Variants in TRPC5 observed in about 807,000 individuals in gnomAD.
The protein encoded by TRPC5 is transient receptor potential cation channel subfamily C member 5, also known as short transient receptor potential channel 5.
TRPC5 carries 9 observed loss-of-function variants against 56.5 expected under a neutral mutation model. The observed-to-expected ratio is 0.16, with a 90% CI of 0.10 to 0.28. The LOEUF is 0.28. Among genes scored for constraint, TRPC5 ranks in the 10% least tolerant of loss-of-function variants. The pLI is 1.00. For missense variants in TRPC5, 469 were observed against 748.9 expected, an observed-to-expected ratio of 0.63 and a Z score of 4.36; for synonymous variants, 282 against 278.5, an observed-to-expected ratio of 1.01 and a Z score of -0.13.
intron 1 of TRPC5, among the ~76,000 whole-genome samples, chrX:112,040,768 T>C (rs1677849816): frequency 8.9e-6 from 1 of 111,967 alleles, no homozygotes; most frequent in African/African-American, 3.2e-5. Flanking sequence ...TTATGATGTC[T>C]ACCCTTAATT....
intron 1 of TRPC5, among the ~76,000 whole-genome samples, chrX:111,967,792 C>G (rs1317074158): frequency 9.0e-6 from 1 of 111,627 alleles, no homozygotes; most frequent in Non-Finnish European, 1.9e-5. Context: ...GAAACTGGAT[C>G]CCTTCCTTAC....
intron 1 of TRPC5, among the ~76,000 whole-genome samples, chrX:111,979,604 ACT>A (rs1181694156): frequency 9.0e-6 from 1 of 111,172 alleles, no homozygotes; most frequent in Non-Finnish European, 1.9e-5. Context: ...ACATATAAAG[ACT>A]CTTAAAACAC....
chrX:111,905,914 C>CAAA (rs1202912083), intron 3 of TRPC5, among the ~76,000 whole-genome samples: 515 of 36,909 alleles, frequency 0.014, 24 homozygotes, highest in African/African-American at 0.057. Flanking sequence ...GTCTCTGTCT[C>CAAA]AAAAAAAAAA....
At chrX:112,051,239 C>T (rs1391526977) in intron 1 of TRPC5, among the ~76,000 whole-genome samples, 1 of 112,268 alleles carries the variant, frequency 8.9e-6, no homozygotes, top group Non-Finnish European at 1.9e-5. Context: ...CCTACTATTT[C>T]CTTCTCTTGT....
chrX:111,807,355 C>T (rs1921547011), intron 7 of TRPC5, among the ~76,000 whole-genome samples: 1 of 112,253 alleles, frequency 8.9e-6, no homozygotes, highest in Non-Finnish European at 1.9e-5. Flanking sequence ...TTGAGAGACT[C>T]ATGCATTCTT....
intron 1 of TRPC5, among the ~76,000 whole-genome samples, chrX:112,042,319 A>G (rs1297043064): frequency 9.0e-6 from 1 of 111,531 alleles, no homozygotes; most frequent in Non-Finnish European, 1.9e-5. Flanking sequence ...GATGCTGAAC[A>G]TTTGGAGGAA....
chrX:112,042,430 C>G (rs981542735), intron 1 of TRPC5, among the ~76,000 whole-genome samples: 3 of 111,686 alleles, frequency 2.7e-5, no homozygotes, highest in African/African-American at 9.8e-5. Context: ...TAACTGTCTT[C>G]TTCTATGTGG....
At chrX:111,778,872 G>T in intron 10 of TRPC5, 113 bp downstream of exon 10, 1 of 466,857 alleles carries the variant, frequency 2.1e-6, no homozygotes, top group Non-Finnish European at 3.5e-6. Context: ...ATTATAACTG[G>T]CTTTGCTATA....
chrX:111,887,493 AC>A (rs1393093858), intron 3 of TRPC5, among the ~76,000 whole-genome samples: 1 of 112,186 alleles, frequency 8.9e-6, no homozygotes, highest in Non-Finnish European at 1.9e-5. Flanking sequence ...CTCAAGGACT[AC>A]AGGCTTTGCA....
chrX:111,954,445 G>T lies in TRPC5; in HGVS notation c.-21-2004C>A, dbSNP rs73266324. On this transcript the variant is annotated intron_variant, in intron 1 of 10. Transcript: ENST00000262839. ...GAGGATGAATTAAACATGAAAGTGT[G>T]GGGGCAGTCCAGGCACTGCCGAGTG... Among the ~76,000 whole-genome samples, 990 of 111,822 alleles carry T rather than the reference G, an allele frequency of 8.9e-3. 3 individuals are homozygous for T. The highest frequency in any genetic ancestry group is 0.014 in the Non-Finnish European group (754 of 53,132).
intron 3 of TRPC5, among the ~76,000 whole-genome samples, chrX:111,896,792 T>G (rs918293128): frequency 1.8e-5 from 2 of 112,132 alleles, no homozygotes; most frequent in Admixed American, 9.5e-5. Flanking sequence ...AAGTCCGACC[T>G]GGGCTGACAT....
intron 8 of TRPC5, among the ~76,000 whole-genome samples, chrX:111,781,519 T>C (rs1381880411): frequency 1.8e-5 from 2 of 109,168 alleles, no homozygotes; most frequent in African/African-American, 6.7e-5. Flanking sequence ...AGGTCAGGAG[T>C]TCAAGACCAG....
At chrX:111,949,195 G>A (rs1172732226) in intron 2 of TRPC5, among the ~76,000 whole-genome samples, 1 of 112,160 alleles carries the variant, frequency 8.9e-6, no homozygotes, top group African/African-American at 3.2e-5. Flanking sequence ...ACTCAAGATG[G>A]ATTAAGGACT....
chrX:111,789,752 A>T (rs997639495), intron 7 of TRPC5, among the ~76,000 whole-genome samples: 1 of 112,547 alleles, frequency 8.9e-6, no homozygotes, highest in African/African-American at 3.2e-5. Flanking sequence ...TGGGCAAAAG[A>T]TATAAACAGA....
At position 111,776,781 on chromosome X, in the gene TRPC5, T is replaced by C; in HGVS notation, c.2454A>G (p.Pro818=). ...ACTTTCCTTGGGCACCACTGGACCTTGGCATGGTTCTGATGAGAGGTGGCC... is the reference window on the plus strand; with the variant it reads ...ACTTTCCTTGGGCACCACTGGACCTCGGCATGGTTCTGATGAGAGGTGGCC... The part of the protein sequence containing the change: ...CHGPPLIRTM[P]RSSGAQGKSK... The change falls in exon 11 of 11, where the codon CCA becomes CCG. Residue 818 remains proline, a synonymous_variant. Coordinates refer to ENST00000262839, the MANE Select transcript of TRPC5 (RefSeq NM_012471.3). The C allele has an allele frequency of 8.3e-7, 1 of 1,210,287 alleles. No homozygotes were observed. The highest frequency in any genetic ancestry group is 1.1e-6 in the Non-Finnish European group (1 of 894,784).
At chrX:111,916,588 A>C (rs930979161) in intron 2 of TRPC5, among the ~76,000 whole-genome samples, 3 of 111,918 alleles carry the variant, frequency 2.7e-5, no homozygotes, top group African/African-American at 9.8e-5. Flanking sequence ...AGGTAACAGA[A>C]ATCAGGACCA....
At chrX:111,899,297 A>G (rs750221596) in intron 3 of TRPC5, among the ~76,000 whole-genome samples, 17 of 111,649 alleles carry the variant, frequency 1.5e-4, no homozygotes, top group Non-Finnish European at 3.2e-4. Flanking sequence ...AGAGAGCAAA[A>G]TATGGAATGT....
intron 3 of TRPC5, among the ~76,000 whole-genome samples, chrX:111,864,052 T>A (rs1923477888): frequency 9.0e-6 from 1 of 111,438 alleles, no homozygotes. Context: ...AGTGGCGCGA[T>A]CTCAGCTCAC....
intron 3 of TRPC5, among the ~76,000 whole-genome samples, chrX:111,892,216 T>C (rs1196864161): frequency 8.9e-6 from 1 of 112,421 alleles, no homozygotes; most frequent in Non-Finnish European, 1.9e-5. Context: ...TAGGATGGTA[T>C]GAAGTAAAAA....
Sources: allele counts gnomAD v4.1 joint callset (sites outside exome capture counted in the v4.1 genomes callset), GRCh38; gene constraint gnomAD v4.1.1; transcripts MANE v1.5; gene names NCBI Gene and HGNC (gene_info 2026-07-23, HGNC 2026-07-21).